CSMD1: variants seen among roughly 807,000 people sequenced by gnomAD.
CSMD1 encodes CUB and sushi domain-containing protein 1.
CSMD1 carries 213 observed loss-of-function variants against 417.5 expected under a neutral mutation model. The ratio of observed to expected loss-of-function variants is 0.51; its 90% CI spans 0.46 to 0.57. CSMD1 has a LOEUF of 0.57. CSMD1 is among the 20% of genes least tolerant of loss of function. The pLI, the probability that CSMD1 is intolerant of heterozygous loss-of-function variation, is 0.00. For missense variants in CSMD1, 6,923 were observed against 4,529.7 expected (o/e 1.53, Z -15.17); for synonymous variants, 2,862 against 1,736.8 (o/e 1.65, Z -16.11).
intron 3 of CSMD1, among the ~76,000 whole-genome samples, chr8:4,159,019 G>A (rs558318923): frequency 4.6e-5 from 7 of 152,158 alleles, no homozygotes; most frequent in Non-Finnish European, 1.0e-4. Flanking sequence ...AGATTCAAGC[G>A]ATTCTCCTGC....
At chr8:4,148,183 C>T (rs796286070) in intron 3 of CSMD1, among the ~76,000 whole-genome samples, 1 of 152,172 alleles carries the variant, frequency 6.6e-6, no homozygotes, top group African/African-American at 2.4e-5. Context: ...TCAGCTGGGA[C>T]CACTATAACT....
At chr8:4,274,239 A>C (rs1254803743) in intron 3 of CSMD1, among the ~76,000 whole-genome samples, 1 of 152,202 alleles carries the variant, frequency 6.6e-6, no homozygotes. Context: ...TGAAATAATC[A>C]GCATTTTATT....
At chr8:3,308,192 C>T (rs1300025349) in intron 24 of CSMD1, 120 bp downstream of exon 24, 1 of 764,748 alleles carries the variant, frequency 1.3e-6, no homozygotes, top group Non-Finnish European at 2.1e-6. Context: ...ATACATAAAA[C>T]TCACACTGGA....
At position 4,258,039 on chromosome 8, in the gene CSMD1, G is replaced by A. The variant is rs1017372197; in HGVS notation, c.415+161914C>T. ...CATTTATTTCTCACAGCTGTGGAAG[G>A]GGGAAGCAATCCTCCCACCTCAGCC... is the stretch of plus-strand genomic sequence containing the variant. On this transcript the variant is annotated intron_variant, in intron 3 of 69. Transcript: ENST00000635120. 1.1e-4 allele frequency among the ~76,000 whole-genome samples: 17 copies of A among 151,986 alleles called. No homozygotes were observed. The East Asian group carries it at 3.4e-3, about 30-fold the overall frequency.
intron 3 of CSMD1, among the ~76,000 whole-genome samples, chr8:4,290,370 G>A (rs1472821766): frequency 6.6e-6 from 1 of 152,184 alleles, no homozygotes; most frequent in Non-Finnish European, 1.5e-5. Context: ...TGGAGGGAGA[G>A]AAGCCCAAAG....
At chr8:3,658,961 G>T (rs1346914777) in intron 7 of CSMD1, among the ~76,000 whole-genome samples, 1 of 152,076 alleles carries the variant, frequency 6.6e-6, no homozygotes, top group East Asian at 1.9e-4. Context: ...ACTTTCATAT[G>T]CTAGGAATGA....
intron 1 of CSMD1, among the ~76,000 whole-genome samples, chr8:4,974,745 T>C (rs1810447415): frequency 6.6e-6 from 1 of 152,178 alleles, no homozygotes; most frequent in Non-Finnish European, 1.5e-5. Flanking sequence ...ATCCACAATA[T>C]CTGACTAGAA....
intron 7 of CSMD1, among the ~76,000 whole-genome samples, chr8:3,618,264 T>G (rs1802243523): frequency 6.6e-6 from 1 of 152,132 alleles, no homozygotes; most frequent in South Asian, 2.1e-4. Flanking sequence ...TGTGGCCTCC[T>G]AAAGTGTTGG....
chr8:3,061,314 T>C (rs182278373), intron 49 of CSMD1, among the ~76,000 whole-genome samples: 2 of 152,336 alleles, frequency 1.3e-5, no homozygotes, highest in African/African-American at 4.8e-5. Flanking sequence ...TATTTTGTCA[T>C]GAGAAATAAT....
At chr8:4,738,428 G>A (rs1490615026) in intron 1 of CSMD1, among the ~76,000 whole-genome samples, 1 of 152,070 alleles carries the variant, frequency 6.6e-6, no homozygotes, top group Non-Finnish European at 1.5e-5. Flanking sequence ...GAGCGAAGGG[G>A]GAAAAGCCCC....
At chr8:3,334,547 T>C (rs1235836737) in intron 23 of CSMD1, among the ~76,000 whole-genome samples, 2 of 152,228 alleles carry the variant, frequency 1.3e-5, no homozygotes, top group Non-Finnish European at 2.9e-5. Flanking sequence ...AAAACCAGCA[T>C]GACAGCTACA....
chr8:3,589,989 G>A (rs896068369), intron 8 of CSMD1, among the ~76,000 whole-genome samples: 1 of 152,064 alleles, frequency 6.6e-6, no homozygotes, highest in South Asian at 2.1e-4. Flanking sequence ...GAAGACATTA[G>A]AGTGTCCAAC....
intron 23 of CSMD1, among the ~76,000 whole-genome samples, chr8:3,321,132 C>T (rs567077593): frequency 1.7e-4 from 26 of 152,242 alleles, no homozygotes; most frequent in Admixed American, 1.6e-3. Context: ...GTGCAAAGCC[C>T]CCTGCACCCA....
At chr8:3,635,793 C>CAAAAAAAAAAAAA (rs752552617) in intron 7 of CSMD1, among the ~76,000 whole-genome samples, 9 of 99,244 alleles carry the variant, frequency 9.1e-5, no homozygotes, top group African/African-American at 1.6e-4. Context: ...GCTTCCATCT[C>CAAAAAAAAAAAAA]AAAAAAAAAA....
intron 41 of CSMD1, among the ~76,000 whole-genome samples, chr8:3,133,766 C>G (rs1347342218): frequency 6.6e-6 from 1 of 152,214 alleles, no homozygotes; most frequent in Non-Finnish European, 1.5e-5. Context: ...CCTCCATGAA[C>G]TGACCACTGC....
intron 3 of CSMD1, among the ~76,000 whole-genome samples, chr8:4,311,105 G>C (rs533027296): frequency 7.9e-5 from 12 of 152,142 alleles, no homozygotes; most frequent in Admixed American, 7.9e-4. Context: ...TCTTCAAAGA[G>C]CTAGAAGCTG....
In CSMD1 at chr8:4,519,936, C is replaced by CGCGTGT. The variant is rs1554502211; in HGVS notation, c.303-99872_303-99871insACACGC. 6.8e-5 allele frequency among the ~76,000 whole-genome samples: 10 copies of CGCGTGT among 147,076 alleles called. No homozygotes were observed. The East Asian group carries it at 1.6e-3, about 24-fold the overall frequency. On this transcript the variant is annotated intron_variant, in intron 2 of 69. Transcript: ENST00000635120. ...ACATTATGTAGTGTGTGTGTGTGTG[C>CGCGTGT]GTGTGTGTGTGTGTGTGTGTGGTGT...
chr8:3,773,700 A>G (rs1798743170), intron 5 of CSMD1, among the ~76,000 whole-genome samples: 1 of 152,148 alleles, frequency 6.6e-6, no homozygotes, highest in Non-Finnish European at 1.5e-5. Flanking sequence ...ATCTTAATTG[A>G]GTTCCCACCT....
At chr8:3,924,903 T>G (rs1423187131) in intron 5 of CSMD1, among the ~76,000 whole-genome samples, 1 of 152,204 alleles carries the variant, frequency 6.6e-6, no homozygotes, top group African/African-American at 2.4e-5. Context: ...TTTTGCTATT[T>G]TGGTACCATT....
Sources: allele counts gnomAD v4.1 joint callset (sites outside exome capture counted in the v4.1 genomes callset), GRCh38; gene constraint gnomAD v4.1.1; transcripts MANE v1.5; gene names NCBI Gene and HGNC (gene_info 2026-07-23, HGNC 2026-07-21).